Variants in MGAT5B observed in about 807,000 individuals in gnomAD.
MGAT5B encodes the protein alpha-1,6-mannosylglycoprotein 6-beta-N-acetylglucosaminyltransferase B.
MGAT5B carries 54 observed loss-of-function variants against 95.1 expected under a neutral mutation model. That is an observed-to-expected ratio of 0.57 (90% CI 0.46 to 0.71). MGAT5B has a LOEUF of 0.71. MGAT5B is among the 30% of genes least tolerant of loss of function. The probability of loss-of-function intolerance (pLI) is 0.00; values close to 1 mark genes in which losing one functional copy is unlikely to be tolerated. For missense variants in MGAT5B, 935 were observed against 1,088.6 expected (o/e 0.86, Z 1.99); for synonymous variants, 464 against 451.0 (o/e 1.03, Z -0.36).
intron 3 of MGAT5B, among the ~76,000 whole-genome samples, chr17:76,897,721 CTTTCTTTTTCT>C (rs1968138191): frequency 7.7e-5 from 6 of 78,102 alleles, no homozygotes; most frequent in African/African-American, 4.3e-4. Context: ...TTCTTTCTTT[CTTTCTTTTTCT>C]TTTTTTTTTT....
At chr17:76,885,549 C>T (rs936467967) in intron 3 of MGAT5B, among the ~76,000 whole-genome samples, 1 of 152,128 alleles carries the variant, frequency 6.6e-6, no homozygotes, top group Non-Finnish European at 1.5e-5. Context: ...GCCTGTGCCT[C>T]CCTCCCCTGC....
chr17:76,904,572 G>A, intron 6 of MGAT5B, 150 bp downstream of exon 6: 2 of 902,220 alleles, frequency 2.2e-6, no homozygotes, highest in Admixed American at 3.0e-5. Context: ...CGGGCAGACG[G>A]GAGGCCAGCC....
At chr17:76,939,033 T>G (rs796969687) in intron 13 of MGAT5B, among the ~76,000 whole-genome samples, 9,738 of 92,750 alleles carry the variant, frequency 0.1, 376 homozygotes, top group Non-Finnish European at 0.14. Flanking sequence ...CTTGGGGGTG[T>G]GTGTGTGTGT....
intron 15 of MGAT5B, among the ~76,000 whole-genome samples, chr17:76,943,506 C>T (rs532809270): frequency 8.5e-5 from 13 of 152,258 alleles, no homozygotes; most frequent in African/African-American, 2.6e-4. Flanking sequence ...TTAATAGGAC[C>T]CAGCTTCGCG....
rs115691660 is a variant in MGAT5B at position 76,947,650 on chromosome 17, G to A, written c.1924-180G>A. Among the ~76,000 whole-genome samples, 354 of 152,336 alleles carry A rather than the reference G, an allele frequency of 2.3e-3. 1 individual carries two copies. Among genetic ancestry groups the A allele is most frequent in the African/African-American group, 8.2e-3 (339 of 41,576 alleles). ...CTGAGCCTCCATAATTCCTGTAAGC[G>A]ATCTGGAGACACGAGTGTCCATGAG... On this transcript the variant is annotated intron_variant, in intron 16 of 17. Coordinates refer to ENST00000569840, the MANE Select transcript of MGAT5B (RefSeq NM_001199172.2).
chr17:76,901,464 A>G (rs2145182977), intron 3 of MGAT5B, among the ~76,000 whole-genome samples: 1 of 151,970 alleles, frequency 6.6e-6, no homozygotes, highest in African/African-American at 2.4e-5. Context: ...TTTGTGTGAG[A>G]AGATCTGCCA....
At chr17:76,876,098 C>T (rs1967177670) in intron 2 of MGAT5B, among the ~76,000 whole-genome samples, 1 of 152,188 alleles carries the variant, frequency 6.6e-6, no homozygotes, top group South Asian at 2.1e-4. Flanking sequence ...TCTGCTTGGG[C>T]AGACCCAAGG....
intron 3 of MGAT5B, among the ~76,000 whole-genome samples, chr17:76,899,897 G>A (rs375058298): frequency 7.9e-5 from 12 of 152,058 alleles, no homozygotes; most frequent in East Asian, 3.9e-4. Flanking sequence ...CCTCCTAGAC[G>A]GGCAATAATG....
chr17:76,882,413 C>G (rs1967462473), intron 3 of MGAT5B, 115 bp downstream of exon 3: 19 of 1,278,064 alleles, frequency 1.5e-5, no homozygotes, highest in Non-Finnish European at 1.7e-5. Context: ...TTGGACCACA[C>G]TGTGGTACAG....
intron 12 of MGAT5B, among the ~76,000 whole-genome samples, chr17:76,934,875 G>C (rs1185062892): frequency 6.6e-6 from 1 of 152,148 alleles, no homozygotes; most frequent in Non-Finnish European, 1.5e-5. Flanking sequence ...GCAGCATCTT[G>C]GGAGAGATGC....
chr17:76,905,097 G>A lies in MGAT5B; in HGVS notation c.691-72G>A, dbSNP rs555873656. 4.5e-5 allele frequency: 67 copies of A among 1,481,498 alleles called. 1 individual carries two copies. In the South Asian group the frequency reaches 8.8e-4, roughly 19 times the overall value. The allele number at this position is 1,481,498 out of a possible 1,614,324, so 91.8% of individuals were successfully genotyped here. A position where few individuals can be genotyped will look rare whatever the true frequency, so the allele number is the denominator to read the frequency against. ...GCCTCATGGGAGGGTGCCAGCCCCTGTCCCCAGGCCAGCGGGGAATGATGG... is the reference window on the plus strand; with the variant it reads ...GCCTCATGGGAGGGTGCCAGCCCCTATCCCCAGGCCAGCGGGGAATGATGG... On this transcript the variant is annotated intron_variant, in intron 6 of 17. Coordinates refer to ENST00000569840, the MANE Select transcript of MGAT5B (RefSeq NM_001199172.2). This position sits in a 1 kb window ranked among gnomAD's most constrained non-coding sequence, Gnocchi z 4.2.
At chr17:76,899,693 A>C (rs1968235096) in intron 3 of MGAT5B, among the ~76,000 whole-genome samples, 1 of 152,012 alleles carries the variant, frequency 6.6e-6, no homozygotes, top group Non-Finnish European at 1.5e-5. Flanking sequence ...ATTCCTGTCA[A>C]AGGAGTGTCC....
At chr17:76,884,627 A>G (rs1379570592) in intron 3 of MGAT5B, among the ~76,000 whole-genome samples, 12 of 140,798 alleles carry the variant, frequency 8.5e-5, no homozygotes, top group Non-Finnish European at 1.7e-4. Context: ...TTTTTGAGAC[A>G]AAGTCTCGCA....
chr17:76,900,660 C>T (rs1487166722), intron 3 of MGAT5B, among the ~76,000 whole-genome samples: 4 of 152,218 alleles, frequency 2.6e-5, no homozygotes, highest in Admixed American at 2.0e-4. Flanking sequence ...GCTGCCACCT[C>T]GCTGTCTGAT....
At chr17:76,935,954 T>TTATA (rs201147006) in intron 12 of MGAT5B, among the ~76,000 whole-genome samples, 104 of 140,516 alleles carry the variant, frequency 7.4e-4, no homozygotes, top group African/African-American at 2.4e-3. Context: ...ATTATATACA[T>TTATA]TATATATATA....
At chr17:76,873,165 C>G (rs903490635) in intron 2 of MGAT5B, among the ~76,000 whole-genome samples, 2 of 152,242 alleles carry the variant, frequency 1.3e-5, no homozygotes, top group Non-Finnish European at 2.9e-5. Context: ...TTCCTCTGGC[C>G]TGGATTCTCA....
At chr17:76,941,790 C>T (rs914838725) in intron 15 of MGAT5B, among the ~76,000 whole-genome samples, 4 of 152,230 alleles carry the variant, frequency 2.6e-5, no homozygotes, top group African/African-American at 7.2e-5. Context: ...GAAGCAGGCA[C>T]GGAGGTGCCA....
chr17:76,930,222 T>C lies in MGAT5B; in HGVS notation c.1292-2423T>C, dbSNP rs57446973. ...TTGAATTTTCAGGCCCAAGAATCTG[T>C]GAGCTTTGGGGGCACTTACACAGGA... On this transcript the variant is annotated intron_variant, in intron 10 of 17. Coordinates refer to ENST00000569840, the MANE Select transcript of MGAT5B (RefSeq NM_001199172.2). The surrounding 1 kb of genome is among the most constrained non-coding windows in gnomAD (Gnocchi z 4.1). 0.17 allele frequency among the ~76,000 whole-genome samples: 25,948 copies of C among 151,686 alleles called. 2,274 individuals are homozygous for C. Among genetic ancestry groups the C allele is most frequent in the Non-Finnish European group, 0.19 (13,105 of 67,930 alleles).
chr17:76,946,220 C>A, intron 15 of MGAT5B, 156 bp from the exon 16 acceptor site: 1 of 581,438 alleles, frequency 1.7e-6, no homozygotes, highest in Non-Finnish European at 3.0e-6. Flanking sequence ...GGACTCTGAG[C>A]TGGGTGGAAG....
Sources: allele counts gnomAD v4.1 joint callset (sites outside exome capture counted in the v4.1 genomes callset), GRCh38; gene constraint gnomAD v4.1.1; non-coding constraint Gnocchi (gnomAD v3.1); transcripts MANE v1.5; gene names NCBI Gene and HGNC (gene_info 2026-07-23, HGNC 2026-07-21).